The following SIPA1L2 variants were observed in gnomAD, a reference collection of about 807,000 sequenced individuals.
SIPA1L2 encodes the protein signal-induced proliferation-associated 1-like protein 2.
In SIPA1L2, 56 loss-of-function variants were observed where a neutral mutation model predicts 163.9. That is an observed-to-expected ratio of 0.34 (90% CI 0.28 to 0.43). The LOEUF is 0.43. Ranked by LOEUF, SIPA1L2 falls within the 20% of genes least tolerant of loss-of-function variation. The probability of loss-of-function intolerance (pLI) is 1.00; values close to 1 mark genes in which losing one functional copy is unlikely to be tolerated. For missense variants in SIPA1L2, 1,974 were observed against 2,193.5 expected (o/e 0.90, Z 2.00); for synonymous variants, 877 against 865.7 (o/e 1.01, Z -0.23).
intron 18 of SIPA1L2, among the ~76,000 whole-genome samples, chr1:232,422,787 G>A (rs756110509): frequency 6.6e-6 from 1 of 152,110 alleles, no homozygotes; most frequent in African/African-American, 2.4e-5. Flanking sequence ...CTCATTTCTC[G>A]CTCAAAGACA....
chr1:232,576,608 TA>T (rs1660091835), intron 1 of SIPA1L2, among the ~76,000 whole-genome samples: 1 of 151,956 alleles, frequency 6.6e-6, no homozygotes, highest in East Asian at 1.9e-4. Context: ...TCACTTTAAA[TA>T]AAAAACCAGA....
At position 232,406,134 on chromosome 1, in the gene SIPA1L2, T is replaced by C. The variant is rs150178383; in HGVS notation, c.4763-1956A>G. On this transcript the variant is annotated intron_variant, in intron 19 of 22. Transcript: ENST00000674635. ...ATAAAATAGCTAATCTTAGAGACAG[T>C]TTCCAGTGGAAGCTTCATGCCCCTT... Among the ~76,000 whole-genome samples the C allele has an allele frequency of 8.7e-3, 1,327 of 152,340 alleles. 26 individuals carry two copies. Among genetic ancestry groups the C allele is most frequent in the African/African-American group, 0.03 (1,253 of 41,560 alleles).
At chr1:232,556,724 TAA>T (rs34422182) in intron 2 of SIPA1L2, among the ~76,000 whole-genome samples, 8 of 145,140 alleles carry the variant, frequency 5.5e-5, no homozygotes, top group African/African-American at 1.5e-4. Flanking sequence ...TACAAACAGT[TAA>T]AAAAAAAAAA....
chr1:232,563,942 TTG>T lies in SIPA1L2; in HGVS notation c.-270+10230_-270+10231del, dbSNP rs1454301052. ...GTTGGCCAGACTGAACGACAAAGGT[TTG>T]TTTTTTTTTTTCGTGTGTGTGTGTG... On this transcript the variant is annotated intron_variant, in intron 2 of 22. Coordinates refer to ENST00000674635, the MANE Select transcript of SIPA1L2 (RefSeq NM_020808.5). Among the ~76,000 whole-genome samples the T allele has an allele frequency of 6.9e-4, 92 of 133,490 alleles. 3 individuals are homozygous for T. Among genetic ancestry groups the T allele is most frequent in the Middle Eastern group, 7.5e-3 (2 of 268 alleles). The allele number at this position is 133,490 out of a possible 152,430, so 87.6% of individuals were successfully genotyped here.
At chr1:232,611,511 C>T (rs1242712354) in intron 1 of SIPA1L2, among the ~76,000 whole-genome samples, 2 of 152,072 alleles carry the variant, frequency 1.3e-5, no homozygotes, top group African/African-American at 4.8e-5. Flanking sequence ...CAGGCTGAAG[C>T]GATCTCAAAG....
chr1:232,453,682 T>C (rs964360716), intron 10 of SIPA1L2, among the ~76,000 whole-genome samples: 6 of 151,386 alleles, frequency 4.0e-5, no homozygotes, highest in East Asian at 1.9e-4. Flanking sequence ...TAATCAGAGA[T>C]AGGGTTCACA....
intron 15 of SIPA1L2, among the ~76,000 whole-genome samples, chr1:232,436,271 G>A (rs1321374440): frequency 2.0e-5 from 3 of 152,198 alleles, no homozygotes; most frequent in Non-Finnish European, 4.4e-5. Flanking sequence ...GATAGGCCAC[G>A]ACCCTATCAG....
intron 2 of SIPA1L2, 80 bp from the exon 3 acceptor site, chr1:232,515,688 G>T: frequency 4.7e-6 from 1 of 212,728 alleles, no homozygotes; most frequent in Non-Finnish European, 9.4e-6. Flanking sequence ...TTTCGTATCT[G>T]TCTTTCCCCT....
intron 1 of SIPA1L2, among the ~76,000 whole-genome samples, chr1:232,586,256 G>C (rs6684519): frequency 0.76 from 115,920 of 152,082 alleles, 44,963 homozygotes; most frequent in East Asian, 0.92. Context: ...GTCCAGAGGA[G>C]TCAATTAAAA....
At chr1:232,441,239 G>C (rs1474757492) in intron 14 of SIPA1L2, 52 bp downstream of exon 14, 2 of 1,390,018 alleles carry the variant, frequency 1.4e-6, no homozygotes, top group African/African-American at 2.9e-5. Flanking sequence ...TGTGTGCTGA[G>C]ACAGATCAGT....
At chr1:232,424,225 G>A (rs549660807) in intron 18 of SIPA1L2, among the ~76,000 whole-genome samples, 1 of 149,692 alleles carries the variant, frequency 6.7e-6, no homozygotes, top group South Asian at 2.1e-4. Context: ...TTGACAGTGG[G>A]GAAAATGTGT....
At chr1:232,571,998 C>T (rs1325417354) in intron 2 of SIPA1L2, among the ~76,000 whole-genome samples, 3 of 152,200 alleles carry the variant, frequency 2.0e-5, no homozygotes, top group Non-Finnish European at 4.4e-5. Flanking sequence ...AATGTGCTCC[C>T]TATTGTATAC....
intron 18 of SIPA1L2, among the ~76,000 whole-genome samples, chr1:232,423,532 A>C (rs1228543361): frequency 6.6e-6 from 1 of 152,232 alleles, no homozygotes; most frequent in African/African-American, 2.4e-5. Context: ...TTTTCCGAGT[A>C]GTTTCTTAAG....
intron 16 of SIPA1L2, among the ~76,000 whole-genome samples, chr1:232,428,783 A>G (rs1159195288): frequency 2.0e-5 from 3 of 152,168 alleles, no homozygotes; most frequent in Non-Finnish European, 2.9e-5. Flanking sequence ...AATAATTCAG[A>G]CACAAATCAG....
intron 3 of SIPA1L2, among the ~76,000 whole-genome samples, chr1:232,497,263 T>C (rs960448854): frequency 7.3e-4 from 111 of 152,268 alleles, no homozygotes; most frequent in African/African-American, 2.6e-3. Context: ...CATATTTACT[T>C]CTCAAAACTC....
intron 1 of SIPA1L2, among the ~76,000 whole-genome samples, chr1:232,596,694 G>GA (rs1226149614): frequency 6.6e-6 from 1 of 152,136 alleles, no homozygotes; most frequent in Non-Finnish European, 1.5e-5. Context: ...CCTATTTGTA[G>GA]AAAGAACAGC....
At chr1:232,602,264 G>C (rs537765964) in intron 1 of SIPA1L2, among the ~76,000 whole-genome samples, 1 of 152,280 alleles carries the variant, frequency 6.6e-6, no homozygotes, top group African/African-American at 2.4e-5. Context: ...GGAGAGGGGA[G>C]GCTCTGAGGA....
chr1:232,445,736 C>G lies in SIPA1L2; in HGVS notation c.3146G>C (p.Ser1049Thr), dbSNP rs1209862372. 6 of 1,613,686 alleles carry G rather than the reference C, an allele frequency of 3.7e-6. No individual in the cohort carries two copies. Among genetic ancestry groups the G allele is most frequent in the Middle Eastern group, 1.7e-4 (1 of 5,868 alleles). Residue 1049 changes from serine to threonine, a missense_variant, in exon 11 of 23, where the codon AGC (serine) becomes ACC (threonine). This residue lies in a region of SIPA1L2 where 1,079 missense variants were observed against 1,150.7 expected (regional missense o/e 0.94). Transcript: ENST00000674635. ...TTTATACTCGCAGGGGGTGCCCTCGCTGTCGAGTTTATATTCCACCATAGG... is the reference window on the plus strand; with the variant it reads ...TTTATACTCGCAGGGGGTGCCCTCGGTGTCGAGTTTATATTCCACCATAGG... ...RIPMVEYKLD[S>T]EGTPCEYKTP...
chr1:232,430,937 CAA>C (rs1662196292), intron 16 of SIPA1L2, among the ~76,000 whole-genome samples: 1 of 152,148 alleles, frequency 6.6e-6, no homozygotes. Flanking sequence ...ACCTGCGACT[CAA>C]GAGACACAAA....
Sources: allele counts gnomAD v4.1 joint callset (sites outside exome capture counted in the v4.1 genomes callset), GRCh38; gene constraint gnomAD v4.1.1; regional missense constraint gnomAD v4.1.1; transcripts MANE v1.5; gene names NCBI Gene and HGNC (gene_info 2026-07-23, HGNC 2026-07-21).